The following BMPR1B variants were observed in gnomAD, a reference collection of about 807,000 sequenced individuals.
BMPR1B encodes bone morphogenetic protein receptor type 1B, also known as bone morphogenetic protein receptor type-1B.
BMPR1B carries 12 observed loss-of-function variants against 59.1 expected under a neutral mutation model. That is an observed-to-expected ratio of 0.20 (90% CI 0.13 to 0.33). BMPR1B has a LOEUF of 0.33. Ranked by LOEUF, BMPR1B falls within the 10% of genes least tolerant of loss-of-function variation. The pLI is 1.00. For missense variants in BMPR1B, 550 were observed against 610.9 expected, an observed-to-expected ratio of 0.90 and a Z score of 1.05; for synonymous variants, 237 against 207.3, an observed-to-expected ratio of 1.14 and a Z score of -1.23.
chr4:94,830,415 T>G (rs1457544329), intron 1 of BMPR1B, among the ~76,000 whole-genome samples: 2 of 152,208 alleles, frequency 1.3e-5, no homozygotes, highest in African/African-American at 4.8e-5. Flanking sequence ...CAAAACTATT[T>G]TAAAATTTCA....
rs577612843 is a variant in BMPR1B at position 94,911,000 on chromosome 4, C to T, written c.-113+35100C>T. Among the ~76,000 whole-genome samples, 8 of 152,266 alleles carry T rather than the reference C, an allele frequency of 5.3e-5. No homozygotes were observed. In the South Asian group the frequency reaches 1.0e-3, roughly 20 times the overall value. ...ATTAAATTGACTCACCCAGTACTTACGTGAACCACATATACTGTACTATGC... is the reference window on the plus strand; with the variant it reads ...ATTAAATTGACTCACCCAGTACTTATGTGAACCACATATACTGTACTATGC... On this transcript the variant is annotated intron_variant, in intron 2 of 12. Coordinates refer to ENST00000515059, the MANE Select transcript of BMPR1B (RefSeq NM_001203.3).
chr4:94,963,287 G>A (rs1339310802), intron 2 of BMPR1B, among the ~76,000 whole-genome samples: 2 of 151,890 alleles, frequency 1.3e-5, no homozygotes, highest in Non-Finnish European at 2.9e-5. Flanking sequence ...TTTGCATTCT[G>A]TAGGATAGCT....
At chr4:95,046,930 C>A (rs1396499093) in intron 3 of BMPR1B, among the ~76,000 whole-genome samples, 1 of 152,152 alleles carries the variant, frequency 6.6e-6, no homozygotes, top group African/African-American at 2.4e-5. Context: ...TTAAGTGAAC[C>A]TGTGATGAAA....
chr4:94,933,695 C>G (rs149144159), intron 2 of BMPR1B, among the ~76,000 whole-genome samples: 2,203 of 152,216 alleles, frequency 0.014, 58 homozygotes, highest in African/African-American at 0.05. Flanking sequence ...TTATGACAGA[C>G]TGTCATTGTA....
intron 3 of BMPR1B, among the ~76,000 whole-genome samples, chr4:95,052,007 T>C (rs1304741631): frequency 6.6e-6 from 1 of 152,248 alleles, no homozygotes; most frequent in Non-Finnish European, 1.5e-5. Context: ...TCTCTAACAA[T>C]TGAGAATTAA....
chr4:94,908,567 T>C (rs1004859174), intron 2 of BMPR1B, among the ~76,000 whole-genome samples: 2 of 151,966 alleles, frequency 1.3e-5, no homozygotes, highest in African/African-American at 4.8e-5. Context: ...AATATCACCC[T>C]TTTTTAAGGG....
At chr4:94,944,749 A>G (rs1729646808) in intron 2 of BMPR1B, among the ~76,000 whole-genome samples, 1 of 152,164 alleles carries the variant, frequency 6.6e-6, no homozygotes, top group African/African-American at 2.4e-5. Flanking sequence ...TTTTTTTAAA[A>G]ATGAACTTAT....
chr4:94,781,946 T>G (rs1429323564), intron 1 of BMPR1B, among the ~76,000 whole-genome samples: 1 of 152,104 alleles, frequency 6.6e-6, no homozygotes, highest in Non-Finnish European at 1.5e-5. Flanking sequence ...CTTGTAGTAT[T>G]TTTGCTATTA....
At chr4:95,123,947 G>A (rs1195500035) in intron 7 of BMPR1B, 41 bp downstream of exon 7, 3 of 1,401,064 alleles carry the variant, frequency 2.1e-6, no homozygotes, top group Middle Eastern at 1.8e-4. Context: ...TTAATTTATA[G>A]TGTCTTCTTT....
intron 2 of BMPR1B, among the ~76,000 whole-genome samples, chr4:94,918,125 A>G (rs544209143): frequency 2.0e-5 from 3 of 152,078 alleles, no homozygotes; most frequent in South Asian, 4.2e-4. Context: ...AGCCAGTTAA[A>G]TCTCTTTTTT....
At chr4:94,770,180 G>GGTTT (rs771544268) in intron 1 of BMPR1B, among the ~76,000 whole-genome samples, 15 of 106,270 alleles carry the variant, frequency 1.4e-4, no homozygotes, top group African/African-American at 5.0e-4. Context: ...CTTCGTTTCT[G>GGTTT]TGTTTGTTTT....
intron 2 of BMPR1B, among the ~76,000 whole-genome samples, chr4:94,878,285 G>A (rs909174880): frequency 6.6e-6 from 1 of 152,052 alleles, no homozygotes; most frequent in African/African-American, 2.4e-5. Context: ...AACCAAAATT[G>A]CAACAAATTT....
chr4:95,152,756 C>G lies in BMPR1B; in HGVS notation c.1366C>G (p.Arg456Gly), dbSNP rs780280883. Residue 456 changes from arginine to glycine, a missense_variant, in exon 12 of 13, where the codon CGG (arginine) becomes GGG (glycine). By Grantham distance (125) the Arg-to-Gly change is moderately radical. Coordinates refer to ENST00000515059, the MANE Select transcript of BMPR1B (RefSeq NM_001203.3). ...GAAGTTACGCCCCTCATTCCCAAAC[C>G]GGTGGAGCAGTGATGAGGTAAGGCT... is the stretch of plus-strand genomic sequence containing the variant. ...IKKLRPSFPN[R>G]WSSDECLRQM... 2 of 1,611,866 alleles carry G rather than the reference C, an allele frequency of 1.2e-6. No individual in the cohort carries two copies. Among genetic ancestry groups the G allele is most frequent in the Non-Finnish European group, 1.7e-6 (2 of 1,179,084 alleles).
intron 3 of BMPR1B, among the ~76,000 whole-genome samples, chr4:95,095,806 G>GT: frequency 6.6e-6 from 1 of 152,008 alleles, no homozygotes; most frequent in East Asian, 1.9e-4. Flanking sequence ...GCATTTAAAT[G>GT]TGGCAGTGGA....
chr4:95,049,336 A>G (rs980364166), intron 3 of BMPR1B, among the ~76,000 whole-genome samples: 4 of 145,800 alleles, frequency 2.7e-5, no homozygotes, highest in African/African-American at 1.0e-4. Flanking sequence ...GCTGGATTGA[A>G]CTCCTGGCCT....
intron 3 of BMPR1B, among the ~76,000 whole-genome samples, chr4:95,066,312 C>T (rs1025373129): frequency 3.3e-5 from 5 of 152,206 alleles, no homozygotes; most frequent in Non-Finnish European, 7.3e-5. Context: ...AGCACATAGA[C>T]ATAACATAAG....
At chr4:95,114,658 A>ACAC in intron 4 of BMPR1B, 62 bp from the exon 5 acceptor site, 1 of 1,361,284 alleles carries the variant, frequency 7.3e-7, no homozygotes, top group Non-Finnish European at 1.1e-6. Context: ...ACACACACAC[A>ACAC]CACACACACA....
chr4:95,116,588 C>T (rs1732082577), intron 6 of BMPR1B, among the ~76,000 whole-genome samples: 1 of 151,572 alleles, frequency 6.6e-6, no homozygotes, highest in Middle Eastern at 3.4e-3. Flanking sequence ...AATGGAATTT[C>T]ATGACTTTGT....
intron 3 of BMPR1B, among the ~76,000 whole-genome samples, chr4:95,056,204 T>C (rs1726917563): frequency 6.6e-6 from 1 of 152,206 alleles, no homozygotes; most frequent in Non-Finnish European, 1.5e-5. Context: ...ATACTTGTTA[T>C]CTGTAAAATA....
Sources: gnomAD v4.1 joint callset for allele counts (sites outside exome capture counted in the v4.1 genomes callset) on GRCh38, gnomAD v4.1.1 for gene constraint, MANE v1.5 for transcripts, NCBI Gene and HGNC (gene_info 2026-07-23, HGNC 2026-07-21) for gene names.